The following TPRG1 variants were observed in gnomAD, a reference collection of about 807,000 sequenced individuals.
The protein encoded by TPRG1 is tumor protein p63 regulated 1, also known as tumor protein p63-regulated gene 1 protein.
A neutral mutation model predicts 29.3 loss-of-function variants in TPRG1; 29 were observed. The observed-to-expected ratio is 0.99, with a 90% CI of 0.74 to 1.35. The LOEUF is 1.35. Among genes scored for constraint, TPRG1 ranks in the 40% most tolerant of loss-of-function variants. The pLI, the probability that TPRG1 is intolerant of heterozygous loss-of-function variation, is 0.00. For synonymous variants in TPRG1, 130 were observed against 116.8 expected, an observed-to-expected ratio of 1.11 and a Z score of -0.73; for missense variants, 327 against 335.0, an observed-to-expected ratio of 0.98 and a Z score of 0.19.
intron 4 of TPRG1, among the ~76,000 whole-genome samples, chr3:189,305,529 T>C (rs1381988599): frequency 1.3e-5 from 2 of 152,248 alleles, no homozygotes; most frequent in African/African-American, 4.8e-5. Flanking sequence ...AGCATGTCTT[T>C]GCTTTTTTTG....
At chr3:189,317,337 T>C (rs534736674) in intron 5 of TPRG1, among the ~76,000 whole-genome samples, 1 of 152,320 alleles carries the variant, frequency 6.6e-6, no homozygotes, top group Admixed American at 6.5e-5. Context: ...TTATTATTTA[T>C]TGATTCCTGG....
At chr3:189,078,083 CTCTTTCTCTCTTTCTT>C (rs1201216431) in intron 4 of TPRG1, among the ~76,000 whole-genome samples, 2,361 of 106,350 alleles carry the variant, frequency 0.022, 53 homozygotes, top group Non-Finnish European at 0.031. Context: ...CTCTCTTTCT[CTCTTTCTCTCTTTCTT>C]TCTTTCTTTC....
In TPRG1 at chr3:189,274,935, AGTGTGTGTGTGTGT is replaced by A. The variant is rs57386934; in HGVS notation, c.480-35420_480-35407del. 5.1e-3 allele frequency among the ~76,000 whole-genome samples: 700 copies of A among 137,732 alleles called. 6 individuals are homozygous for A. The highest frequency in any genetic ancestry group is 0.017 in the African/African-American group (617 of 37,290). 90.4% of individuals were successfully genotyped at this position (137,732 alleles called of 152,430 possible). A position where few individuals can be genotyped will look rare whatever the true frequency, so the allele number is the denominator to read the frequency against. The stretch of plus-strand genomic sequence containing the variant: ...AAGGGCATTTCTTGATAATGTAATG[AGTGTGTGTGTGTGT>A]GTGTGTGTGTGTGTGTGTGTGTGTG... On this transcript the variant is annotated intron_variant, in intron 4 of 5. Coordinates refer to ENST00000345063, the MANE Select transcript of TPRG1 (RefSeq NM_198485.4).
intron 4 of TPRG1, among the ~76,000 whole-genome samples, chr3:189,061,233 G>A (rs1431564783): frequency 2.0e-5 from 3 of 152,124 alleles, no homozygotes; most frequent in African/African-American, 7.2e-5. Flanking sequence ...TTGGAGAACT[G>A]GATAGCCATA....
At chr3:189,312,116 T>TTC (rs1722649624) in intron 5 of TPRG1, among the ~76,000 whole-genome samples, 3 of 63,352 alleles carry the variant, frequency 4.7e-5, no homozygotes, top group African/African-American at 2.5e-4. Context: ...TTTCTTTCTT[T>TTC]GTTTCTTTCT....
chr3:189,116,338 G>A (rs540644582), intron 1 of TPRG1, among the ~76,000 whole-genome samples: 2 of 151,978 alleles, frequency 1.3e-5, no homozygotes, highest in African/African-American at 4.8e-5. Flanking sequence ...CACCATGCCC[G>A]GCTAATTTTT....
rs1485884322 is a variant in TPRG1, at chr3:189,257,175, C to T, written c.479+18266C>T. ...TCCTTTCCATATTTAGTGCTTCCTT[C>T]AGGAGCTCTTGTAAGGCAGTTCTAG... On this transcript the variant is annotated intron_variant, in intron 4 of 5. Transcript: ENST00000345063. 3.3e-5 allele frequency among the ~76,000 whole-genome samples: 5 copies of T among 152,310 alleles called. No homozygotes were observed. The South Asian group carries it at 1.0e-3, about 32-fold the overall frequency.
intron 1 of TPRG1, among the ~76,000 whole-genome samples, chr3:189,187,371 G>A (rs9812220): frequency 0.48 from 72,640 of 151,410 alleles, 17,488 homozygotes; most frequent in South Asian, 0.56. Flanking sequence ...CAGTGACACG[G>A]TATTGGCTCA....
chr3:189,116,452 C>T (rs1054586434), intron 1 of TPRG1, among the ~76,000 whole-genome samples: 1 of 152,196 alleles, frequency 6.6e-6, no homozygotes, highest in Non-Finnish European at 1.5e-5. Context: ...GCTGGGATTA[C>T]AGACATGAGC....
chr3:189,190,833 C>T lies in TPRG1; in HGVS notation c.-9-16543C>T, dbSNP rs562174654. On this transcript the variant is annotated intron_variant, in intron 1 of 5. Coordinates refer to ENST00000345063, the MANE Select transcript of TPRG1 (RefSeq NM_198485.4). ...CTTCATAATGAGTTCTTTCATTAAT[C>T]TTTCCCTGATCCATATTCCTACTCC... 20 of 298,784 alleles carry T rather than the reference C, an allele frequency of 6.7e-5. No individual in the cohort carries two copies. The South Asian group carries it at 2.3e-3, about 35-fold the overall frequency. 18.5% of individuals were successfully genotyped at this position (298,784 alleles called of 1,614,324 possible).
At chr3:189,129,139 G>A (rs1346602146) in intron 2 of TPRG1, among the ~76,000 whole-genome samples, 2 of 152,114 alleles carry the variant, frequency 1.3e-5, no homozygotes, top group African/African-American at 2.4e-5. Flanking sequence ...TTTCACAAAT[G>A]TCCTTTCTTA....
chr3:189,132,598 CT>C (rs1723229436), exon 3 of TPRG1: 2 of 152,322 alleles, frequency 1.3e-5, no homozygotes, highest in African/African-American at 4.8e-5. Flanking sequence ...TAGCAGCAGT[CT>C]TCCTGTCTGG....
intron 5 of TPRG1, among the ~76,000 whole-genome samples, chr3:189,155,506 T>C (rs1239680451): frequency 6.6e-6 from 1 of 151,982 alleles, no homozygotes; most frequent in African/African-American, 2.4e-5. Context: ...ATAAGGGTCC[T>C]TATAAGAAAA....
intron 4 of TPRG1, among the ~76,000 whole-genome samples, chr3:189,037,356 G>A (rs1714337878): frequency 6.6e-6 from 1 of 151,714 alleles, no homozygotes; most frequent in South Asian, 2.1e-4. Flanking sequence ...CTCTATCAAT[G>A]TAACAGTAGT....
intron 4 of TPRG1, among the ~76,000 whole-genome samples, chr3:189,288,108 ATGGTTGTGTGTGTG>A (rs1299732530): frequency 6.6e-6 from 1 of 151,936 alleles, no homozygotes; most frequent in Non-Finnish European, 1.5e-5. Context: ...ATGTGTGTAT[ATGGTTGTGTGTGTG>A]TGGTTGTGTG....
chr3:188,997,536 C>T (rs1456188800), intron 1 of TPRG1, among the ~76,000 whole-genome samples: 2 of 152,074 alleles, frequency 1.3e-5, no homozygotes, highest in African/African-American at 4.8e-5. Flanking sequence ...TCCAGTTTGC[C>T]AGAGGCTGAG....
In TPRG1 at chr3:189,258,607, G is replaced by A. The variant is rs892215439; in HGVS notation, c.479+19698G>A. ...GTCTGCTGAAACTGTGCCCACAGCC[G>A]CCCCTTCCCCCAGGTGCTCTGTCCC... On this transcript the variant is annotated intron_variant, in intron 4 of 5. Coordinates refer to ENST00000345063, the MANE Select transcript of TPRG1 (RefSeq NM_198485.4). Among the ~76,000 whole-genome samples, 63 of 152,138 alleles carry A rather than the reference G, an allele frequency of 4.1e-4. 2 individuals carry two copies. Among genetic ancestry groups the A allele is most frequent in the Non-Finnish European group, 2.9e-5 (2 of 68,012 alleles).
At chr3:189,073,536 A>G (rs1229223846) in intron 4 of TPRG1, among the ~76,000 whole-genome samples, 1 of 152,190 alleles carries the variant, frequency 6.6e-6, no homozygotes, top group African/African-American at 2.4e-5. Context: ...AATTTATCTA[A>G]AACACTCTTA....
intron 4 of TPRG1, among the ~76,000 whole-genome samples, chr3:189,066,633 C>A (rs1236804042): frequency 6.8e-6 from 1 of 147,080 alleles, no homozygotes. Context: ...TGATAAAAAC[C>A]TTAAAAAAAA....
Sources: allele counts gnomAD v4.1 joint callset (sites outside exome capture counted in the v4.1 genomes callset), GRCh38; gene constraint gnomAD v4.1.1; transcripts MANE v1.5; gene names NCBI Gene and HGNC (gene_info 2026-07-23, HGNC 2026-07-21).